The following WNT7B variants were observed in gnomAD, a reference collection of about 807,000 sequenced individuals.
The protein encoded by WNT7B is Wnt family member 7B.
A neutral mutation model predicts 38.2 loss-of-function variants in WNT7B; 19 were observed. That is an observed-to-expected ratio of 0.50 (90% CI 0.35 to 0.73). The LOEUF is 0.73. WNT7B is among the 30% of genes least tolerant of loss of function. The pLI is 0.01. For synonymous variants in WNT7B, 243 were observed against 209.3 expected, an observed-to-expected ratio of 1.16 and a Z score of -1.39; for missense variants, 423 against 507.9, an observed-to-expected ratio of 0.83 and a Z score of 1.61.
chr22:45,928,370 A>T (rs1931161793), intron 3 of WNT7B, among the ~76,000 whole-genome samples: 1 of 152,196 alleles, frequency 6.6e-6, no homozygotes, highest in South Asian at 2.1e-4. Context: ...CCAAGGGCTC[A>T]GACCACGCTT....
chr22:45,929,472 C>T (rs936350911), intron 3 of WNT7B, among the ~76,000 whole-genome samples: 16 of 118,856 alleles, frequency 1.3e-4, no homozygotes, highest in Admixed American at 3.5e-4. Flanking sequence ...ATCTACTTAT[C>T]CTTCCATCTG....
At chr22:45,935,718 C>A (rs146075083) in intron 2 of WNT7B, 6 of 767,732 alleles carry the variant, frequency 7.8e-6, no homozygotes, top group Admixed American at 6.2e-5. Context: ...GCACCTCCCC[C>A]ACACCACCTT....
chr22:45,957,104 CAAAAA>C (rs34329899), intron 1 of WNT7B, among the ~76,000 whole-genome samples: 13 of 80,708 alleles, frequency 1.6e-4, no homozygotes, highest in African/African-American at 5.2e-4. Flanking sequence ...GACTCTGTCT[CAAAAA>C]AAAAAAAAAA....
intron 3 of WNT7B, among the ~76,000 whole-genome samples, chr22:45,929,970 A>ACTCATACATCTATCCC (rs1931282344): frequency 6.6e-6 from 1 of 150,464 alleles, no homozygotes; most frequent in East Asian, 1.9e-4. Context: ...ACATCTATCC[A>ACTCATACATCTATCCC]TCCATCCAAC....
chr22:45,950,196 C>T (rs1169450809), intron 1 of WNT7B, 50 bp from the exon 2 acceptor site: 1 of 1,502,810 alleles, frequency 6.7e-7, no homozygotes, highest in Non-Finnish European at 9.2e-7. Context: ...GCCAGCGCCC[C>T]TCCTCACCCC....
rs1402670692 is a variant in WNT7B at position 45,951,742 on chromosome 22, T to C, written c.72-1596A>G. 2.6e-5 allele frequency among the ~76,000 whole-genome samples: 4 copies of C among 152,268 alleles called. No homozygotes were observed. Among genetic ancestry groups the C allele is most frequent in the Non-Finnish European group, 4.4e-5 (3 of 68,050 alleles). ...TTCATGCGTTTGTAAGGCTGAGTGA[T>C]ATTCCATTGTGTGGACAGACCATAT... On this transcript the variant is annotated intron_variant, in intron 1 of 3. Transcript: ENST00000339464. This position sits in a 1 kb window ranked among gnomAD's most constrained non-coding sequence, Gnocchi z 4.8.
Position 45,931,374 on chromosome 22 carries a change from G to A in WNT7B, c.299-5C>T, listed in dbSNP as rs367939253. The A allele has an allele frequency of 2.9e-4, 454 of 1,581,864 alleles. No individual in the cohort carries two copies. The highest frequency in any genetic ancestry group is 4.9e-4 in the Admixed American group (29 of 59,284). ...TGAAGGCAGCCTCACGGCTCCCTGC[G>A]GGGACAGACAGGTGCAGAAGGTGAG... On this transcript the variant is annotated splice_polypyrimidine_tract_variant and splice_region_variant and intron_variant, in intron 2 of 3. Coordinates refer to ENST00000339464, the MANE Select transcript of WNT7B (RefSeq NM_058238.3).
At chr22:45,956,204 C>T (rs1027697342) in intron 1 of WNT7B, among the ~76,000 whole-genome samples, 3 of 152,196 alleles carry the variant, frequency 2.0e-5, no homozygotes, top group African/African-American at 7.2e-5. Flanking sequence ...AGGCAAGTTT[C>T]TTAACTGTGT....
rs978369014 is a variant in WNT7B, at chr22:45,920,981, G to A, written c.*1875C>T. Reference sequence around the variant, plus strand: ...ATTCACGGTGGCCCGGAGACTCAGAGCGTCCAGGCATGGTTAGAGGCACAT... The same window carrying A: ...ATTCACGGTGGCCCGGAGACTCAGAACGTCCAGGCATGGTTAGAGGCACAT... On this transcript the variant is annotated 3_prime_UTR_variant, in exon 4 of 4. Transcript: ENST00000339464. The A allele has an allele frequency of 1.3e-5, 2 of 152,198 alleles. No individual in the cohort carries two copies. Among genetic ancestry groups the A allele is most frequent in the African/African-American group, 2.4e-5 (1 of 41,356 alleles). 9.4% of individuals were successfully genotyped at this position (152,198 alleles called of 1,614,324 possible).
Position 45,929,914 on chromosome 22 carries a change from A to G in WNT7B, c.570+1184T>C, listed in dbSNP as rs1027065599. Among the ~76,000 whole-genome samples, 9 of 71,494 alleles carry G rather than the reference A, an allele frequency of 1.3e-4. No individual in the cohort carries two copies. In the South Asian group the frequency reaches 4.7e-3, roughly 37 times the overall value. 46.9% of individuals were successfully genotyped at this position (71,494 alleles called of 152,430 possible). ...CATCCACTCATCTATCTACCCATCCATCTATCCTCCCATCCACCCACTCAT... is the reference window on the plus strand; with the variant it reads ...CATCCACTCATCTATCTACCCATCCGTCTATCCTCCCATCCACCCACTCAT... On this transcript the variant is annotated intron_variant, in intron 3 of 3. Transcript: ENST00000339464.
At chr22:45,969,602 A>G (rs1442852668) in intron 1 of WNT7B, among the ~76,000 whole-genome samples, 1 of 152,270 alleles carries the variant, frequency 6.6e-6, no homozygotes, top group African/African-American at 2.4e-5. Flanking sequence ...GCAAGTCAGC[A>G]TGTAGCAGGG....
intron 2 of WNT7B, among the ~76,000 whole-genome samples, chr22:45,933,346 T>C (rs1931427504): frequency 6.6e-6 from 1 of 152,180 alleles, no homozygotes; most frequent in East Asian, 1.9e-4. Flanking sequence ...CAGCCTCTCC[T>C]CTTCTGGCCA....
At chr22:45,954,596 A>G (rs1208738775) in intron 1 of WNT7B, 7 of 985,234 alleles carry the variant, frequency 7.1e-6, no homozygotes, top group Non-Finnish European at 8.4e-6. Flanking sequence ...TAGAGCCCCC[A>G]GCAGCCCCCT....
At chr22:45,932,362 A>C (rs916101346) in intron 2 of WNT7B, among the ~76,000 whole-genome samples, 14 of 152,072 alleles carry the variant, frequency 9.2e-5, no homozygotes, top group African/African-American at 3.4e-4. Flanking sequence ...CCCAAATCCC[A>C]AGGACCTTCC....
At position 45,926,694 on chromosome 22, in the gene WNT7B, G is replaced by A. The variant is rs543076801; in HGVS notation, c.571-3359C>T. On this transcript the variant is annotated intron_variant, in intron 3 of 3. Transcript: ENST00000339464. ...GCACCTCCCATGCTGGCCGGTCCCTGCCCCTAAGTAAGTGTGGCCCTGACC... is the reference window on the plus strand; with the variant it reads ...GCACCTCCCATGCTGGCCGGTCCCTACCCCTAAGTAAGTGTGGCCCTGACC... The A allele has an allele frequency of 7.3e-5, 72 of 979,632 alleles. 1 individual carries two copies. The African/African-American group carries it at 1.2e-3, about 17-fold the overall frequency. The allele number at this position is 979,632 out of a possible 1,614,324, so 60.7% of individuals were successfully genotyped here.
At chr22:45,943,939 GC>G (rs1327330912) in intron 2 of WNT7B, among the ~76,000 whole-genome samples, 5 of 152,194 alleles carry the variant, frequency 3.3e-5, no homozygotes, top group Non-Finnish European at 5.9e-5. Flanking sequence ...GTGGCCCAGG[GC>G]TCTGGAGCCT....
chr22:45,939,070 G>A (rs1316830154), intron 2 of WNT7B, among the ~76,000 whole-genome samples: 3 of 152,158 alleles, frequency 2.0e-5, no homozygotes, highest in South Asian at 2.1e-4. Flanking sequence ...CACTTCACAC[G>A]CACTAGGAAT....
intron 2 of WNT7B, among the ~76,000 whole-genome samples, chr22:45,938,381 A>C (rs925664921): frequency 2.6e-5 from 4 of 152,120 alleles, no homozygotes; most frequent in African/African-American, 9.7e-5. Context: ...TCACACCTGT[A>C]ATCTCAGCAC....
chr22:45,934,965 T>C (rs1198946655), intron 2 of WNT7B, among the ~76,000 whole-genome samples: 1 of 152,110 alleles, frequency 6.6e-6, no homozygotes, highest in Non-Finnish European at 1.5e-5. Context: ...TGTTGTCTGG[T>C]TTAATTCTCA....
Sources: gnomAD v4.1 joint callset for allele counts (sites outside exome capture counted in the v4.1 genomes callset) on GRCh38, gnomAD v4.1.1 for gene constraint, Gnocchi (gnomAD v3.1) non-coding constraint, MANE v1.5 for transcripts, NCBI Gene and HGNC (gene_info 2026-07-23, HGNC 2026-07-21) for gene names.